The following MARCHF1 variants were observed in gnomAD, a reference collection of about 807,000 sequenced individuals.
The protein encoded by MARCHF1 is membrane associated ring-CH-type finger 1, also known as E3 ubiquitin-protein ligase MARCHF1.
MARCHF1 carries 40 observed loss-of-function variants against 54.2 expected under a neutral mutation model. That is an observed-to-expected ratio of 0.74 (90% CI 0.57 to 0.96). MARCHF1 has a LOEUF of 0.96. MARCHF1 is among the 40% of genes least tolerant of loss of function. The pLI, the probability that MARCHF1 is intolerant of heterozygous loss-of-function variation, is 0.00. For synonymous variants in MARCHF1, 236 were observed against 236.3 expected, an observed-to-expected ratio of 1.00 and a Z score of 0.01; for missense variants, 586 against 656.5, an observed-to-expected ratio of 0.89 and a Z score of 1.17.
chr4:163,750,188 T>A (rs1279052657), intron 4 of MARCHF1, among the ~76,000 whole-genome samples: 2 of 152,072 alleles, frequency 1.3e-5, no homozygotes, highest in Non-Finnish European at 2.9e-5. Context: ...CAAAACACTT[T>A]GTAACCATCA....
In MARCHF1 at chr4:164,065,856, T is replaced by A. The variant is rs74286469; in HGVS notation, c.-248+45732A>T. On this transcript the variant is annotated intron_variant, in intron 2 of 9. Coordinates refer to ENST00000514618, the MANE Select transcript of MARCHF1 (RefSeq NM_001394959.1). ...CCAGGGCAGGAGAAATGGAAGGAAG[T>A]ATCCGGTGTGGGAAAAATATAAGAG... Among the ~76,000 whole-genome samples the A allele has an allele frequency of 1.1e-3, 164 of 152,242 alleles. 3 individuals carry two copies. The East Asian group carries it at 0.029, about 27-fold the overall frequency.
intron 4 of MARCHF1, among the ~76,000 whole-genome samples, chr4:163,710,129 C>T (rs1176809218): frequency 6.6e-6 from 1 of 152,070 alleles, no homozygotes; most frequent in Non-Finnish European, 1.5e-5. Context: ...TATGAAAAGT[C>T]TAGCAATTGT....
chr4:163,527,006 T>C lies in MARCHF1; in HGVS notation c.*1742A>G, dbSNP rs1365769412. ...GATCTGTGAAGAACAAGCACACTGATAATTACAAAGTGCATCCATGTGATA... is the reference window on the plus strand; with the variant it reads ...GATCTGTGAAGAACAAGCACACTGACAATTACAAAGTGCATCCATGTGATA... On this transcript the variant is annotated 3_prime_UTR_variant, in exon 10 of 10. Transcript: ENST00000514618. The C allele has an allele frequency of 6.6e-6, 1 of 151,972 alleles. No homozygotes were observed. The highest frequency in any genetic ancestry group is 2.4e-5 in the African/African-American group (1 of 41,432). 9.4% of individuals were successfully genotyped at this position (151,972 alleles called of 1,614,324 possible).
intron 1 of MARCHF1, among the ~76,000 whole-genome samples, chr4:164,116,992 T>C (rs895105978): frequency 1.3e-5 from 2 of 152,130 alleles, no homozygotes; most frequent in Admixed American, 6.5e-5. Context: ...GCGTGCTGAC[T>C]CACGCCTGTA....
At chr4:164,004,125 G>A (rs911813992) in intron 2 of MARCHF1, among the ~76,000 whole-genome samples, 2 of 151,932 alleles carry the variant, frequency 1.3e-5, no homozygotes, top group Non-Finnish European at 2.9e-5. Flanking sequence ...ACACACACTG[G>A]GGCCTGTCGA....
intron 8 of MARCHF1, among the ~76,000 whole-genome samples, chr4:163,552,283 G>T (rs776663632): frequency 4.6e-5 from 7 of 152,156 alleles, no homozygotes; most frequent in Non-Finnish European, 7.3e-5. Flanking sequence ...GTGAGGAATG[G>T]GCCATGTGTC....
intron 1 of MARCHF1, among the ~76,000 whole-genome samples, chr4:164,376,793 T>C (rs1300324850): frequency 1.3e-5 from 2 of 152,148 alleles, no homozygotes; most frequent in Admixed American, 6.5e-5. Flanking sequence ...CAGCGCAAGC[T>C]TGAGATGGGA....
At chr4:163,998,575 T>G (rs1753125482) in intron 2 of MARCHF1, among the ~76,000 whole-genome samples, 1 of 151,716 alleles carries the variant, frequency 6.6e-6, no homozygotes, top group African/African-American at 2.4e-5. Flanking sequence ...TAGTCACCAT[T>G]GTGTACAAAA....
At chr4:164,126,126 T>C (rs1756174332) in intron 1 of MARCHF1, among the ~76,000 whole-genome samples, 1 of 152,188 alleles carries the variant, frequency 6.6e-6, no homozygotes, top group African/African-American at 2.4e-5. Flanking sequence ...AATGCTAAGG[T>C]CTGGATGCTT....
At chr4:164,317,490 C>T (rs1735029613) in intron 1 of MARCHF1, among the ~76,000 whole-genome samples, 1 of 152,148 alleles carries the variant, frequency 6.6e-6, no homozygotes, top group Non-Finnish European at 1.5e-5. Context: ...TGTATCATCG[C>T]ATCCACTACC....
intron 7 of MARCHF1, among the ~76,000 whole-genome samples, chr4:163,598,407 G>T (rs778240128): frequency 6.6e-6 from 1 of 152,166 alleles, no homozygotes; most frequent in South Asian, 2.1e-4. Context: ...ACAGGGATAC[G>T]TTCTGAGAAA....
At chr4:164,030,090 T>C (rs1560869750) in intron 2 of MARCHF1, among the ~76,000 whole-genome samples, 2 of 152,204 alleles carry the variant, frequency 1.3e-5, no homozygotes, top group Non-Finnish European at 2.9e-5. Context: ...AATTAATACA[T>C]ATCTGTTAAT....
At chr4:164,038,094 G>A (rs181544293) in intron 2 of MARCHF1, among the ~76,000 whole-genome samples, 42 of 152,100 alleles carry the variant, frequency 2.8e-4, no homozygotes, top group South Asian at 2.3e-3. Context: ...GTTGTGATGT[G>A]GTACTATAGT....
rs558413538 is a variant in MARCHF1 at position 164,069,374 on chromosome 4, T to C, written c.-248+42214A>G. 4.6e-5 allele frequency among the ~76,000 whole-genome samples: 7 copies of C among 152,314 alleles called. No homozygotes were observed. In the East Asian group the frequency reaches 1.4e-3, roughly 29 times the overall value. ...ATCCCCTTCCACACTGCGGAAGCTT[T>C]GTTCTTTCACTCTTTGCAATAAATC... On this transcript the variant is annotated intron_variant, in intron 2 of 9. Transcript: ENST00000514618.
intron 1 of MARCHF1, among the ~76,000 whole-genome samples, chr4:164,260,264 G>A (rs1317007876): frequency 6.6e-6 from 1 of 152,088 alleles, no homozygotes; most frequent in African/African-American, 2.4e-5. Context: ...AAAACCCCAG[G>A]TATTTTTAAC....
intron 1 of MARCHF1, among the ~76,000 whole-genome samples, chr4:164,217,576 C>T (rs1731968960): frequency 6.6e-6 from 1 of 152,174 alleles, no homozygotes; most frequent in African/African-American, 2.4e-5. Flanking sequence ...GCCATGCTCC[C>T]ACAAATGACT....
chr4:164,325,914 T>C (rs1264659713), intron 1 of MARCHF1, among the ~76,000 whole-genome samples: 1 of 152,088 alleles, frequency 6.6e-6, no homozygotes, highest in African/African-American at 2.4e-5. Flanking sequence ...TAAAATAACA[T>C]TTTGCATTAA....
At chr4:163,610,204 T>C (rs1741289252) in intron 7 of MARCHF1, among the ~76,000 whole-genome samples, 1 of 152,028 alleles carries the variant, frequency 6.6e-6, no homozygotes, top group African/African-American at 2.4e-5. Context: ...CTTATATGCT[T>C]TTTTTCGAGT....
At chr4:164,325,172 TAATC>T (rs993983448) in intron 1 of MARCHF1, among the ~76,000 whole-genome samples, 13 of 151,728 alleles carry the variant, frequency 8.6e-5, no homozygotes, top group Admixed American at 3.9e-4. Context: ...GTATAGGTAA[TAATC>T]AAAGATACAG....
Sources: allele counts gnomAD v4.1 joint callset (sites outside exome capture counted in the v4.1 genomes callset), GRCh38; gene constraint gnomAD v4.1.1; transcripts MANE v1.5; gene names NCBI Gene and HGNC (gene_info 2026-07-23, HGNC 2026-07-21).